The following ANTXR1 variants were observed in gnomAD, a reference collection of about 807,000 sequenced individuals.
The protein encoded by ANTXR1 is ANTXR cell adhesion molecule 1, also known as anthrax toxin receptor 1.
Under a neutral mutation model 78.1 loss-of-function variants are expected in ANTXR1, and 19 were observed. That is an observed-to-expected ratio of 0.24 (90% CI 0.17 to 0.36). The LOEUF (loss-of-function observed/expected upper bound fraction) is 0.36, where lower values mean the gene tolerates loss of function less well. Ranked by LOEUF, ANTXR1 falls within the 10% of genes least tolerant of loss-of-function variation. The pLI is 1.00. For synonymous variants in ANTXR1, 273 were observed against 260.5 expected (o/e 1.05, Z -0.46); for missense variants, 518 against 718.6 (o/e 0.72, Z 3.19).
At chr2:69,223,609 CATT>C (rs1675375369) in intron 17 of ANTXR1, among the ~76,000 whole-genome samples, 1 of 152,170 alleles carries the variant, frequency 6.6e-6, no homozygotes, top group South Asian at 2.1e-4. Context: ...GGGCCAACAT[CATT>C]GTCATCAACA....
At chr2:69,092,201 C>A (rs545762527) in intron 9 of ANTXR1, among the ~76,000 whole-genome samples, 1 of 152,190 alleles carries the variant, frequency 6.6e-6, no homozygotes, top group Non-Finnish European at 1.5e-5. Context: ...AAAGGAAGAA[C>A]TTTCAGGCCT....
intron 10 of ANTXR1, among the ~76,000 whole-genome samples, chr2:69,106,471 C>A (rs988561046): frequency 1.3e-5 from 2 of 152,232 alleles, no homozygotes; most frequent in African/African-American, 4.8e-5. Flanking sequence ...CGGGCTGTGA[C>A]CCCGATGCTG....
At chr2:69,241,188 T>C (rs540382174) in intron 17 of ANTXR1, among the ~76,000 whole-genome samples, 177 of 152,354 alleles carry the variant, frequency 1.2e-3, no homozygotes, top group Non-Finnish European at 1.9e-3. Flanking sequence ...ACCAGTGTTA[T>C]GAAGCGAGAG....
chr2:69,160,659 A>G (rs2104440677), intron 13 of ANTXR1, among the ~76,000 whole-genome samples: 1 of 152,308 alleles, frequency 6.6e-6, no homozygotes, highest in East Asian at 1.9e-4. Flanking sequence ...GCACTTCAGA[A>G]CAAGAGGTAT....
intron 4 of ANTXR1, among the ~76,000 whole-genome samples, chr2:69,071,118 C>T (rs1222623656): frequency 6.6e-6 from 1 of 151,956 alleles, no homozygotes; most frequent in East Asian, 1.9e-4. Context: ...GTGCTGACAA[C>T]TACAGTCATC....
rs550589982 is a variant in ANTXR1, at chr2:69,181,430, GT to G, written c.1090-355del. ...AGCCCCCAAATAATGTGAATGTCAAGTGAGCAGTTGGAGTTCAGAAGCATCA... is the reference window on the plus strand; with the variant it reads ...AGCCCCCAAATAATGTGAATGTCAAGGAGCAGTTGGAGTTCAGAAGCATCA... On this transcript the variant is annotated intron_variant, in intron 14 of 17. Transcript: ENST00000303714. 1.5e-3 allele frequency among the ~76,000 whole-genome samples: 233 copies of G among 152,308 alleles called. 1 individual carries two copies. In the South Asian group the frequency reaches 0.023, roughly 15 times the overall value.
At chr2:69,150,059 T>C (rs111317241) in intron 12 of ANTXR1, among the ~76,000 whole-genome samples, 18 of 152,226 alleles carry the variant, frequency 1.2e-4, no homozygotes, top group African/African-American at 4.1e-4. Context: ...CAGTCTGGCA[T>C]TCCCAAGCTC....
chr2:69,085,411 C>T (rs887415208), intron 8 of ANTXR1, among the ~76,000 whole-genome samples: 12 of 151,894 alleles, frequency 7.9e-5, no homozygotes, highest in Non-Finnish European at 1.6e-4. Context: ...CAGCAAGTCC[C>T]CAAAGATGGT....
chr2:69,149,857 A>G (rs1465726717), intron 12 of ANTXR1, among the ~76,000 whole-genome samples: 1 of 152,234 alleles, frequency 6.6e-6, no homozygotes. Flanking sequence ...TGGAGAAAAC[A>G]TGTAATTTCA....
intron 9 of ANTXR1, among the ~76,000 whole-genome samples, chr2:69,096,127 G>A (rs989014480): frequency 2.0e-5 from 3 of 151,614 alleles, no homozygotes; most frequent in Non-Finnish European, 4.4e-5. Flanking sequence ...GCGTGGTGGC[G>A]GGCTCCTGTA....
intron 8 of ANTXR1, among the ~76,000 whole-genome samples, chr2:69,080,918 G>A (rs1323252214): frequency 2.0e-5 from 3 of 152,170 alleles, no homozygotes; most frequent in African/African-American, 7.2e-5. Flanking sequence ...GAAGAAGCAG[G>A]CAGAAGCTAA....
chr2:69,103,998 G>A (rs954102221), intron 10 of ANTXR1, among the ~76,000 whole-genome samples: 1 of 148,462 alleles, frequency 6.7e-6, no homozygotes, highest in African/African-American at 2.6e-5. Flanking sequence ...GAGTACAATG[G>A]CACGATCTCA....
Position 69,152,205 on chromosome 2 carries a change from C to G in ANTXR1, c.988C>G (p.Leu330Val), listed in dbSNP as rs1372625156. 6.2e-7 allele frequency: 1 copy of G among 1,614,210 alleles called. No homozygotes were observed. The highest frequency in any genetic ancestry group is 1.7e-5 in the Admixed American group (1 of 60,020). Residue 330 changes from leucine to valine, a missense_variant, in exon 13 of 18, where the codon CTG becomes GTG. Around this residue, in one of 5 missense-constraint regions of ANTXR1, gnomAD observed 264 missense variants for 391.8 expected, o/e 0.67. Transcript: ENST00000303714. ...GSILAIALLILFLLLALALLW... is the reference protein window; with the variant it reads ...GSILAIALLIVFLLLALALLW... ...CATCCTGGCCATCGCCCTGCTGATC[C>G]TGTTCCTGCTCCTAGCCCTGGCTCT...
intron 13 of ANTXR1, among the ~76,000 whole-genome samples, chr2:69,164,664 G>A (rs1286711030): frequency 6.6e-6 from 1 of 152,228 alleles, no homozygotes; most frequent in African/African-American, 2.4e-5. Context: ...GGCTGGGATT[G>A]TTTCAGGGCT....
intron 1 of ANTXR1, among the ~76,000 whole-genome samples, chr2:69,015,151 G>A (rs1403511480): frequency 3.3e-5 from 5 of 151,468 alleles, no homozygotes; most frequent in African/African-American, 1.2e-4. Context: ...TATGGATACT[G>A]TAGAGATAAC....
At chr2:69,060,259 C>T (rs888262682) in intron 3 of ANTXR1, among the ~76,000 whole-genome samples, 1 of 152,172 alleles carries the variant, frequency 6.6e-6, no homozygotes, top group South Asian at 2.1e-4. Flanking sequence ...TCTGGTAGAT[C>T]TTAGCATTCC....
At chr2:69,151,986 G>A (rs1324587510) in intron 12 of ANTXR1, among the ~76,000 whole-genome samples, 183 bp from the exon 13 acceptor site, 5 of 152,236 alleles carry the variant, frequency 3.3e-5, no homozygotes, top group African/African-American at 1.2e-4. Context: ...CTTGAAAATT[G>A]GCTAAACAGA....
intron 13 of ANTXR1, among the ~76,000 whole-genome samples, chr2:69,155,412 G>T (rs993814243): frequency 1.3e-5 from 2 of 152,080 alleles, no homozygotes; most frequent in Non-Finnish European, 2.9e-5. Flanking sequence ...AATTCAAGGG[G>T]TTAATATTTT....
intron 17 of ANTXR1, among the ~76,000 whole-genome samples, chr2:69,224,702 A>G (rs1675399130): frequency 6.6e-6 from 1 of 152,140 alleles, no homozygotes. Flanking sequence ...TCCATCCCCA[A>G]ACATGAAAAT....
Sources: allele counts gnomAD v4.1 joint callset (sites outside exome capture counted in the v4.1 genomes callset), GRCh38; gene constraint gnomAD v4.1.1; regional missense constraint gnomAD v4.1.1; transcripts MANE v1.5; gene names NCBI Gene and HGNC (gene_info 2026-07-23, HGNC 2026-07-21).